The following TDRD3 variants were observed in gnomAD, a reference collection of about 807,000 sequenced individuals.
TDRD3 encodes the protein tudor domain containing 3, also known as tudor domain-containing protein 3.
A neutral mutation model predicts 86.7 loss-of-function variants in TDRD3; 45 were observed. The ratio of observed to expected loss-of-function variants is 0.52; its 90% CI spans 0.41 to 0.67. The LOEUF is 0.67. Among genes scored for constraint, TDRD3 ranks in the 30% least tolerant of loss-of-function variants. TDRD3 has a pLI of 0.00. For missense variants in TDRD3, 814 were observed against 889.0 expected, an observed-to-expected ratio of 0.92 and a Z score of 1.07; for synonymous variants, 298 against 301.7, an observed-to-expected ratio of 0.99 and a Z score of 0.13.
chr13:60,426,430 C>T (rs1008626516), intron 1 of TDRD3, among the ~76,000 whole-genome samples: 1 of 152,080 alleles, frequency 6.6e-6, no homozygotes, highest in Non-Finnish European at 1.5e-5. Context: ...CCTTGTCACA[C>T]ACAAAAAGTA....
At chr13:60,464,759 T>C (rs1213482364) in intron 4 of TDRD3, among the ~76,000 whole-genome samples, 2 of 151,970 alleles carry the variant, frequency 1.3e-5, no homozygotes, top group African/African-American at 4.8e-5. Flanking sequence ...AAAATTGATC[T>C]CCTGGAGATA....
chr13:60,516,318 T>C (rs967345746), intron 10 of TDRD3, among the ~76,000 whole-genome samples: 2 of 152,218 alleles, frequency 1.3e-5, no homozygotes, highest in African/African-American at 4.8e-5. Context: ...GAAAAAAATA[T>C]ATATTCTGAT....
At chr13:60,437,951 A>C (rs1463386889) in intron 1 of TDRD3, among the ~76,000 whole-genome samples, 1 of 152,090 alleles carries the variant, frequency 6.6e-6, no homozygotes, top group Admixed American at 6.6e-5. Context: ...TTTTGATTAC[A>C]CTATTCCTTT....
intron 1 of TDRD3, among the ~76,000 whole-genome samples, chr13:60,399,013 C>T (rs4886223): frequency 1.3e-5 from 2 of 152,236 alleles, no homozygotes; most frequent in East Asian, 3.9e-4. Flanking sequence ...CCAACATGAC[C>T]CCCCCTCCTT....
intron 1 of TDRD3, among the ~76,000 whole-genome samples, chr13:60,398,969 A>G (rs1485811291): frequency 2.0e-5 from 3 of 152,010 alleles, no homozygotes; most frequent in African/African-American, 7.3e-5. Context: ...CACTAGTAAT[A>G]TTTTCATTTA....
chr13:60,456,105 G>A (rs185873989), intron 3 of TDRD3, among the ~76,000 whole-genome samples: 426 of 149,930 alleles, frequency 2.8e-3, no homozygotes, highest in African/African-American at 9.9e-3. Flanking sequence ...TGGCTGGCAT[G>A]TATTTTCAGG....
chr13:60,514,057 T>A (rs1484957798), intron 10 of TDRD3, among the ~76,000 whole-genome samples: 1 of 152,284 alleles, frequency 6.6e-6, no homozygotes, highest in Non-Finnish European at 1.5e-5. Flanking sequence ...CCCTAGAGAC[T>A]TGTTGAATGG....
chr13:60,547,560 T>A, intron 12 of TDRD3: 2 of 231,634 alleles, frequency 8.6e-6, no homozygotes, highest in Non-Finnish European at 1.4e-5. Flanking sequence ...ATGATCTATG[T>A]AAATGTGCTC....
At chr13:60,438,140 A>G (rs1955167683) in intron 1 of TDRD3, among the ~76,000 whole-genome samples, 1 of 152,154 alleles carries the variant, frequency 6.6e-6, no homozygotes, top group African/African-American at 2.4e-5. Flanking sequence ...TTCACACAAT[A>G]CTTTTCACAT....
chr13:60,502,110 G>A (rs1027496218), intron 8 of TDRD3, among the ~76,000 whole-genome samples: 1 of 152,038 alleles, frequency 6.6e-6, no homozygotes, highest in South Asian at 2.1e-4. Context: ...ATTTCCTTTT[G>A]TGGTTCTATG....
At chr13:60,491,655 A>G (rs1230196491) in intron 7 of TDRD3, among the ~76,000 whole-genome samples, 2 of 152,226 alleles carry the variant, frequency 1.3e-5, no homozygotes, top group Non-Finnish European at 2.9e-5. Flanking sequence ...TGTTTATTCC[A>G]TCCTCATTCC....
intron 12 of TDRD3, among the ~76,000 whole-genome samples, chr13:60,543,374 A>T (rs1049573777): frequency 6.6e-6 from 1 of 152,180 alleles, no homozygotes; most frequent in African/African-American, 2.4e-5. Context: ...GATTTAAAAA[A>T]ATTTAAGTAC....
chr13:60,450,761 A>G (rs904025376), intron 3 of TDRD3, among the ~76,000 whole-genome samples: 2 of 152,166 alleles, frequency 1.3e-5, no homozygotes, highest in African/African-American at 4.8e-5. Flanking sequence ...AGCCGTGTCA[A>G]TGTAGTGAAA....
At chr13:60,541,548 C>G (rs1307583289) in intron 12 of TDRD3, among the ~76,000 whole-genome samples, 1 of 151,752 alleles carries the variant, frequency 6.6e-6, no homozygotes, top group Non-Finnish European at 1.5e-5. Context: ...TAAATCTCCC[C>G]TTTATTAATG....
intron 4 of TDRD3, among the ~76,000 whole-genome samples, chr13:60,461,503 T>G (rs1373102432): frequency 6.6e-6 from 1 of 152,174 alleles, no homozygotes; most frequent in African/African-American, 2.4e-5. Context: ...TTTGCAGCCC[T>G]CCTCCCACCT....
At chr13:60,457,360 T>C (rs1410001456) in intron 3 of TDRD3, among the ~76,000 whole-genome samples, 1 of 152,212 alleles carries the variant, frequency 6.6e-6, no homozygotes, top group East Asian at 1.9e-4. Context: ...ACTTTATTAC[T>C]GATTAAAATG....
At chr13:60,422,531 G>GA (rs1954686710) in intron 1 of TDRD3, among the ~76,000 whole-genome samples, 1 of 152,134 alleles carries the variant, frequency 6.6e-6, no homozygotes, top group Admixed American at 6.5e-5. Context: ...TTGGAAGTAT[G>GA]AAAAATCACT....
chr13:60,452,349 T>C (rs1238502265), intron 3 of TDRD3, among the ~76,000 whole-genome samples: 1 of 152,188 alleles, frequency 6.6e-6, no homozygotes, highest in Non-Finnish European at 1.5e-5. Flanking sequence ...AGCTGATATT[T>C]GCATATTGAT....
intron 1 of TDRD3, among the ~76,000 whole-genome samples, chr13:60,425,290 G>A (rs1332670057): frequency 2.6e-5 from 4 of 152,140 alleles, no homozygotes; most frequent in Admixed American, 1.3e-4. Context: ...TCAGGGACAT[G>A]CAAATTGAAA....
Sources: allele counts gnomAD v4.1 joint callset (sites outside exome capture counted in the v4.1 genomes callset), GRCh38; gene constraint gnomAD v4.1.1; transcripts MANE v1.5; gene names NCBI Gene and HGNC (gene_info 2026-07-23, HGNC 2026-07-21).